Variants in CCDC15 observed in about 807,000 individuals in gnomAD.
CCDC15 encodes coiled-coil domain containing 15.
Under a neutral mutation model 114.5 loss-of-function variants are expected in CCDC15, and 105 were observed. The observed-to-expected ratio is 0.92, with a 90% CI of 0.78 to 1.08. The LOEUF is 1.08. Ranked by LOEUF, CCDC15 falls within the 50% of genes least tolerant of loss-of-function variation. CCDC15 has a pLI of 0.00. For synonymous variants in CCDC15, 334 were observed against 377.8 expected, an observed-to-expected ratio of 0.88 and a Z score of 1.34; for missense variants, 1,105 against 1,093.6, an observed-to-expected ratio of 1.01 and a Z score of -0.15.
chr11:124,976,917 A>G (rs1305898328), intron 5 of CCDC15, among the ~76,000 whole-genome samples: 1 of 152,156 alleles, frequency 6.6e-6, no homozygotes, highest in East Asian at 1.9e-4. Flanking sequence ...AAAAATATGA[A>G]AAACAAATCT....
At chr11:124,963,692 G>C (rs1333015265) in intron 4 of CCDC15, among the ~76,000 whole-genome samples, 1 of 152,140 alleles carries the variant, frequency 6.6e-6, no homozygotes, top group Non-Finnish European at 1.5e-5. Flanking sequence ...ATTGCTTTTG[G>C]TGTTTTAGTC....
rs779960346 is a variant in CCDC15, at chr11:124,987,694, G to C, written c.1468G>C (p.Asp490His). ...LSRDQHVLPK[D>H]QDILPKYQDQ... ...TAGAGACCAGCATGTTCTCCCCAAA[G>C]ACCAAGATATTCTGCCAAAATATCA... The change falls in exon 8 of 16, where the codon GAC becomes CAC. Residue 490 changes from aspartate to histidine, a missense_variant. By Grantham distance (81) the Asp-to-His change is moderately conservative. Coordinates refer to ENST00000344762, the MANE Select transcript of CCDC15 (RefSeq NM_025004.3). The C allele has an allele frequency of 1.2e-5, 20 of 1,613,800 alleles. No individual in the cohort carries two copies.
chr11:125,027,336 A>G (rs1427589168), intron 13 of CCDC15, among the ~76,000 whole-genome samples: 1 of 152,200 alleles, frequency 6.6e-6, no homozygotes, highest in African/African-American at 2.4e-5. Context: ...TAGTGGTTGC[A>G]CTAGTTTACA....
At chr11:124,999,851 A>G (rs1025383787) in intron 11 of CCDC15, among the ~76,000 whole-genome samples, 1 of 136,400 alleles carries the variant, frequency 7.3e-6, no homozygotes, top group Non-Finnish European at 1.6e-5. Context: ...GTTGTATCCT[A>G]GACTTTTTTT....
chr11:124,979,190 T>C (rs1948024969), intron 6 of CCDC15, among the ~76,000 whole-genome samples: 1 of 152,240 alleles, frequency 6.6e-6, no homozygotes, highest in South Asian at 2.1e-4. Context: ...TTTTGGTTAC[T>C]GTAGCCTTGT....
At chr11:124,981,765 G>A (rs187487498) in intron 6 of CCDC15, among the ~76,000 whole-genome samples, 8 of 152,274 alleles carry the variant, frequency 5.3e-5, no homozygotes, top group African/African-American at 1.7e-4. Flanking sequence ...GACTACAGAT[G>A]CACAACATCA....
chr11:124,987,355 A>C lies in CCDC15; in HGVS notation c.1129A>C (p.Ile377Leu), dbSNP rs377600138. The change falls in exon 8 of 16, where the codon ATT becomes CTT. Residue 377 changes from isoleucine to leucine, a missense_variant. By Grantham distance (5) the Ile-to-Leu change is conservative. Transcript: ENST00000344762. The stretch of plus-strand genomic sequence containing the variant: ...GGTTACTGAGCCAGAAGGCCAGGCC[A>C]TTGAGCCAGAAGGCCAGCCTATTAA... ...VQVTEPEGQA[I>L]EPEGQPIKTE... The C allele has an allele frequency of 6.2e-7, 1 of 1,613,652 alleles. No homozygotes were observed. The highest frequency in any genetic ancestry group is 1.1e-5 in the South Asian group (1 of 91,066).
chr11:125,006,727 T>G (rs1948554783), intron 13 of CCDC15, among the ~76,000 whole-genome samples: 1 of 152,204 alleles, frequency 6.6e-6, no homozygotes, highest in Non-Finnish European at 1.5e-5. Context: ...AGTCATTTTT[T>G]TTTTGCATGT....
At chr11:125,039,147 C>T in intron 15 of CCDC15, 78 bp downstream of exon 15, 2 of 1,357,422 alleles carry the variant, frequency 1.5e-6, no homozygotes, top group Non-Finnish European at 2.0e-6. Context: ...AGTAATTTAC[C>T]ATTTATTGAG....
intron 13 of CCDC15, among the ~76,000 whole-genome samples, chr11:125,033,364 C>A (rs945287417): frequency 6.6e-6 from 1 of 152,164 alleles, no homozygotes; most frequent in African/African-American, 2.4e-5. Context: ...CCCATCTTGC[C>A]TTTGATGGTT....
intron 4 of CCDC15, among the ~76,000 whole-genome samples, chr11:124,971,836 G>A (rs944117873): frequency 5.9e-5 from 9 of 152,058 alleles, no homozygotes; most frequent in Non-Finnish European, 1.0e-4. Flanking sequence ...CAACATGCTA[G>A]TAATACTCCT....
chr11:124,999,084 A>AT (rs908959066), intron 11 of CCDC15, among the ~76,000 whole-genome samples: 33 of 151,694 alleles, frequency 2.2e-4, no homozygotes, highest in African/African-American at 8.0e-4. Flanking sequence ...CATTAGAAAC[A>AT]TTTTTCCACT....
Position 124,991,561 on chromosome 11 carries a change from A to G in CCDC15, c.2009A>G (p.Asp670Gly), listed in dbSNP as rs769677442. 3 of 1,607,558 alleles carry G rather than the reference A, an allele frequency of 1.9e-6. No individual in the cohort carries two copies. The South Asian group carries it at 3.3e-5, about 18-fold the overall frequency. Reference protein sequence around the residue: ...DYQCLPPKSQDQDDIKNQQPA... With the variant: ...DYQCLPPKSQGQDDIKNQQPA... ...CAGTGTTTGCCTCCCAAATCCCAGGACCAGGATGACATCAAAAATCAGGTA... is the reference window on the plus strand; with the variant it reads ...CAGTGTTTGCCTCCCAAATCCCAGGGCCAGGATGACATCAAAAATCAGGTA... The change falls in exon 9 of 16, where the codon GAC (aspartate) becomes GGC (glycine). Residue 670 changes from aspartate to glycine, a missense_variant. Physicochemically the swap from Asp to Gly is moderately conservative, Grantham distance 94. Coordinates refer to ENST00000344762, the MANE Select transcript of CCDC15 (RefSeq NM_025004.3).
chr11:124,970,036 C>A (rs1011520268), intron 4 of CCDC15, among the ~76,000 whole-genome samples: 1 of 152,158 alleles, frequency 6.6e-6, no homozygotes, highest in Non-Finnish European at 1.5e-5. Flanking sequence ...AGTGCTAAAA[C>A]TGAGACAGTT....
At chr11:124,983,748 T>G (rs547342976) in intron 6 of CCDC15, among the ~76,000 whole-genome samples, 1 of 152,156 alleles carries the variant, frequency 6.6e-6, no homozygotes, top group African/African-American at 2.4e-5. Flanking sequence ...GGATTCATGC[T>G]TGTTTTTATG....
rs372616952 is a variant in CCDC15, at chr11:124,991,497, G to A, written c.1945G>A (p.Asp649Asn). The change falls in exon 9 of 16, where the codon GAT becomes AAT. Residue 649 changes from aspartate (D) to asparagine (N), a missense_variant. By Grantham distance (23) the Asp-to-Asn change is conservative (BLOSUM62 1). Transcript: ENST00000344762. ...TAAGGAGCCATACTCTGATATGACA[G>A]ATGAGAAAGGGAGAGAAGACTTTTC... The part of the protein sequence containing the change: ...HFKEPYSDMT[D>N]EKGREDFSLA... 2 of 1,602,064 alleles carry A rather than the reference G, an allele frequency of 1.2e-6. No individual in the cohort carries two copies. The highest frequency in any genetic ancestry group is 1.7e-6 in the Non-Finnish European group (2 of 1,169,972).
intron 11 of CCDC15, among the ~76,000 whole-genome samples, chr11:124,994,005 A>G (rs1428403892): frequency 6.6e-6 from 1 of 152,212 alleles, no homozygotes; most frequent in East Asian, 1.9e-4. Flanking sequence ...GGTGACAAGA[A>G]GTATAATGTC....
chr11:125,004,560 G>A (rs1456011076), intron 12 of CCDC15, among the ~76,000 whole-genome samples: 1 of 151,964 alleles, frequency 6.6e-6, no homozygotes, highest in South Asian at 2.1e-4. Flanking sequence ...AATAGCTTGT[G>A]TATTTAAAAG....
chr11:124,959,706 C>CA, intron 3 of CCDC15, 109 bp from the exon 4 acceptor site: 1 of 656,260 alleles, frequency 1.5e-6, no homozygotes, highest in Non-Finnish European at 2.4e-6. Flanking sequence ...TAAAGCCTCT[C>CA]CCCTGCCCCC....
Sources: allele counts gnomAD v4.1 joint callset (sites outside exome capture counted in the v4.1 genomes callset), GRCh38; gene constraint gnomAD v4.1.1; transcripts MANE v1.5; gene names NCBI Gene and HGNC (gene_info 2026-07-23, HGNC 2026-07-21).